Variants in WNK2 observed in about 807,000 individuals in gnomAD.
WNK2 encodes the protein serine/threonine-protein kinase WNK2.
In WNK2, 67 loss-of-function variants were observed where a neutral mutation model predicts 192.1. The observed-to-expected ratio is 0.35, with a 90% CI of 0.29 to 0.43. The LOEUF (loss-of-function observed/expected upper bound fraction) is 0.43, where lower values mean the gene tolerates loss of function less well. WNK2 is among the 20% of genes least tolerant of loss of function. The pLI is 1.00. For synonymous variants in WNK2, 1,439 were observed against 1,393.9 expected (o/e 1.03, Z -0.72); for missense variants, 2,698 against 3,089.7 (o/e 0.87, Z 3.01).
chr9:93,262,796 C>A, intron 14 of WNK2, 77 bp downstream of exon 14: 3 of 1,513,942 alleles, frequency 2.0e-6, no homozygotes, highest in East Asian at 4.5e-5. Context: ...CTGGCTCCTG[C>A]TGCTGCTTCC....
At chr9:93,191,088 C>T (rs921535462) in intron 2 of WNK2, among the ~76,000 whole-genome samples, 1 of 151,974 alleles carries the variant, frequency 6.6e-6, no homozygotes, top group Admixed American at 6.6e-5. Context: ...GGCAGTGCCA[C>T]GACTGTGTCA....
intron 8 of WNK2, among the ~76,000 whole-genome samples, chr9:93,250,211 T>TA (rs1454193683): frequency 6.6e-6 from 1 of 152,078 alleles, no homozygotes; most frequent in East Asian, 1.9e-4. Context: ...CACATGCACA[T>TA]ACACATGGCT....
intron 23 of WNK2, 146 bp from the exon 24 acceptor site, chr9:93,297,707 C>G (rs1253802843): frequency 1.3e-6 from 1 of 751,482 alleles, no homozygotes; most frequent in Admixed American, 2.8e-5. Flanking sequence ...CCCTGTGTGC[C>G]GCTTTAGAGT....
At chr9:93,190,602 TAGG>T (rs1830174491) in intron 2 of WNK2, among the ~76,000 whole-genome samples, 1 of 152,240 alleles carries the variant, frequency 6.6e-6, no homozygotes, top group African/African-American at 2.4e-5. Context: ...GTCAGCATGT[TAGG>T]AGGTCTGCCA....
intron 2 of WNK2, among the ~76,000 whole-genome samples, chr9:93,218,569 G>A (rs1307716459): frequency 1.3e-5 from 2 of 152,210 alleles, no homozygotes; most frequent in African/African-American, 2.4e-5. Context: ...CCCACTGGGA[G>A]GGCCCCATTT....
intron 2 of WNK2, among the ~76,000 whole-genome samples, chr9:93,194,568 G>A (rs1830899140): frequency 6.6e-6 from 1 of 152,224 alleles, no homozygotes; most frequent in South Asian, 2.1e-4. Flanking sequence ...ATACTGGTGA[G>A]GATGTGGAGT....
intron 26 of WNK2, among the ~76,000 whole-genome samples, chr9:93,301,115 C>T (rs956888391): frequency 6.6e-6 from 1 of 152,262 alleles, no homozygotes; most frequent in African/African-American, 2.4e-5. Context: ...CCAGGGAAGG[C>T]TCTGCCTGCT....
chr9:93,247,826 C>T lies in WNK2; in HGVS notation c.1826C>T (p.Ser609Phe), dbSNP rs1443737916. 2 of 1,538,050 alleles carry T rather than the reference C, an allele frequency of 1.3e-6. No individual in the cohort carries two copies. Among genetic ancestry groups the T allele is most frequent in the Non-Finnish European group, 8.7e-7 (1 of 1,147,266 alleles). ...CCTACGTTGCCGACCAGCGCCACCT[C>T]CCTGGCCTGTGAGTGCTCAGGGGTG... ...LPPTLPTSATSLASDSTFDSG... is the reference protein window; with the variant it reads ...LPPTLPTSATFLASDSTFDSG... Residue 609 changes from serine to phenylalanine, a missense_variant, in exon 8 of 30, where the codon TCC becomes TTC. Around this residue, in one of 7 missense-constraint regions of WNK2, gnomAD observed 893 missense variants for 909.0 expected, o/e 0.98. Coordinates refer to ENST00000427277, the MANE Select transcript of WNK2 (RefSeq NM_006648.4). The surrounding 1 kb of genome is among the most constrained non-coding windows in gnomAD (Gnocchi z 5.2).
chr9:93,276,036 A>C (rs1436634829), intron 19 of WNK2, among the ~76,000 whole-genome samples: 1 of 152,234 alleles, frequency 6.6e-6, no homozygotes, highest in Non-Finnish European at 1.5e-5. Flanking sequence ...ACCCAAATGG[A>C]TCTGTAGATG....
intron 2 of WNK2, among the ~76,000 whole-genome samples, chr9:93,220,386 T>C (rs775190878): frequency 6.6e-6 from 1 of 151,822 alleles, no homozygotes; most frequent in African/African-American, 2.4e-5. Context: ...GGGCCGAGGG[T>C]GAGGTTGGCT....
intron 19 of WNK2, among the ~76,000 whole-genome samples, chr9:93,274,298 G>A (rs535002831): frequency 3.3e-5 from 5 of 152,126 alleles, no homozygotes; most frequent in Admixed American, 6.5e-5. Flanking sequence ...GGATCACGAC[G>A]TCAGGAGATC....
chr9:93,275,772 T>C (rs1461425032), intron 19 of WNK2, among the ~76,000 whole-genome samples: 1 of 152,236 alleles, frequency 6.6e-6, no homozygotes, highest in Non-Finnish European at 1.5e-5. Context: ...GGATACGCAG[T>C]CATCATACAA....
intron 2 of WNK2, among the ~76,000 whole-genome samples, chr9:93,197,691 T>G (rs1409171513): frequency 1.3e-5 from 2 of 152,008 alleles, no homozygotes; most frequent in Admixed American, 6.6e-5. Context: ...CCCAGCTAAG[T>G]TTTGTATTTG....
At chr9:93,231,657 C>CAGAGCAGGCGTTGTGCACAGGATA (rs1263770947) in intron 4 of WNK2, among the ~76,000 whole-genome samples, 1 of 152,238 alleles carries the variant, frequency 6.6e-6, no homozygotes, top group Non-Finnish European at 1.5e-5. Flanking sequence ...GGGCGGGGCA[C>CAGAGCAGGCGTTGTGCACAGGATA]AGAGCAGGCG....
chr9:93,291,309 G>A (rs1370138580), intron 21 of WNK2, among the ~76,000 whole-genome samples: 2 of 152,194 alleles, frequency 1.3e-5, no homozygotes, highest in East Asian at 3.8e-4. Context: ...CTGAGCTTCA[G>A]TAACTTGCAA....
At chr9:93,294,117 G>A (rs77562550) in intron 23 of WNK2, among the ~76,000 whole-genome samples, 37 of 152,324 alleles carry the variant, frequency 2.4e-4, no homozygotes, top group Middle Eastern at 6.8e-3. Flanking sequence ...TTTGTAAGTC[G>A]TGTCCTGTTG....
At chr9:93,319,990 C>G (rs1465759894) in intron 29 of WNK2, among the ~76,000 whole-genome samples, 3 of 152,232 alleles carry the variant, frequency 2.0e-5, no homozygotes, top group Non-Finnish European at 4.4e-5. Context: ...GTGGGGCCAC[C>G]TCCTCAGAGA....
intron 28 of WNK2, 133 bp downstream of exon 28, chr9:93,308,717 A>G: frequency 7.3e-7 from 1 of 1,371,768 alleles, no homozygotes; most frequent in Non-Finnish European, 9.6e-7. Context: ...CATTCTCCCC[A>G]CAGCCCCAAG....
rs146240506 is a variant in WNK2 at position 93,242,629 on chromosome 9, G to A, written c.1542+2653G>A. 7.3e-3 allele frequency among the ~76,000 whole-genome samples: 1,111 copies of A among 152,372 alleles called. 13 individuals are homozygous for A. The highest frequency in any genetic ancestry group is 0.026 in the African/African-American group (1,062 of 41,584). On this transcript the variant is annotated intron_variant, in intron 7 of 29. Coordinates refer to ENST00000427277, the MANE Select transcript of WNK2 (RefSeq NM_006648.4). ...CAGCGTGTAAGCTGAGGATTGGGATGGTGGCTGCAGGCCAAGAACATCTCT... is the reference window on the plus strand; with the variant it reads ...CAGCGTGTAAGCTGAGGATTGGGATAGTGGCTGCAGGCCAAGAACATCTCT...
Sources: gnomAD v4.1 joint callset for allele counts (sites outside exome capture counted in the v4.1 genomes callset) on GRCh38, gnomAD v4.1.1 for gene constraint, gnomAD v4.1.1 regional missense constraint, Gnocchi (gnomAD v3.1) non-coding constraint, MANE v1.5 for transcripts, NCBI Gene and HGNC (gene_info 2026-07-23, HGNC 2026-07-21) for gene names.